RTN4RL1: variants seen among roughly 807,000 people sequenced by gnomAD.
RTN4RL1 encodes reticulon-4 receptor-like 1.
RTN4RL1 carries 7 observed loss-of-function variants against 25.6 expected under a neutral mutation model. The ratio of observed to expected loss-of-function variants is 0.27; its 90% confidence interval spans 0.16 to 0.51. The LOEUF (loss-of-function observed/expected upper bound fraction) is 0.51, where lower values mean the gene tolerates loss of function less well. RTN4RL1 is among the 20% of genes least tolerant of loss of function. The pLI is 0.97. For missense variants in RTN4RL1, 500 were observed against 615.6 expected, an observed-to-expected ratio of 0.81 and a Z score of 1.99; for synonymous variants, 297 against 288.2, an observed-to-expected ratio of 1.03 and a Z score of -0.31.
chr17:1,945,089 G>T (rs116362460), intron 1 of RTN4RL1, among the ~76,000 whole-genome samples: 1 of 152,086 alleles, frequency 6.6e-6, no homozygotes, highest in Non-Finnish European at 1.5e-5. Context: ...CCTTTTGCAC[G>T]TGCTGTTCCC....
intron 1 of RTN4RL1, among the ~76,000 whole-genome samples, chr17:1,991,446 T>TAAAAAAAAAA (rs764604442): frequency 1.3e-4 from 4 of 31,154 alleles, no homozygotes; most frequent in African/African-American, 2.4e-4. Flanking sequence ...ATGCACATAG[T>TAAAAAAAAAA]AAAAAAAAAA....
intron 1 of RTN4RL1, among the ~76,000 whole-genome samples, chr17:2,021,767 C>A (rs1371515597): frequency 1.7e-4 from 25 of 150,230 alleles, no homozygotes; most frequent in Non-Finnish European, 3.4e-4. Flanking sequence ...GTTGGCCAGG[C>A]TGGTCTCGAA....
intron 1 of RTN4RL1, among the ~76,000 whole-genome samples, chr17:1,964,933 C>T (rs1260519568): frequency 4.0e-5 from 6 of 149,508 alleles, no homozygotes; most frequent in Non-Finnish European, 7.4e-5. Context: ...GGACTACAGG[C>T]GTGCGCCACC....
intron 1 of RTN4RL1, among the ~76,000 whole-genome samples, chr17:1,939,293 C>A (rs541961114): frequency 6.6e-6 from 1 of 152,008 alleles, no homozygotes; most frequent in Non-Finnish European, 1.5e-5. Flanking sequence ...GTGGAGCTTG[C>A]AGTGAGCTGA....
chr17:1,967,777 G>C (rs1188792438), intron 1 of RTN4RL1, among the ~76,000 whole-genome samples: 1 of 152,048 alleles, frequency 6.6e-6, no homozygotes, highest in Non-Finnish European at 1.5e-5. Flanking sequence ...GTAGCCGGGA[G>C]TACAGGCACC....
intron 1 of RTN4RL1, among the ~76,000 whole-genome samples, chr17:1,988,589 T>C (rs2066897225): frequency 6.6e-6 from 1 of 151,646 alleles, no homozygotes; most frequent in South Asian, 2.1e-4. Flanking sequence ...TCCAGAGGTG[T>C]CTCTCTCCAC....
chr17:1,969,048 A>G (rs2066805925), intron 1 of RTN4RL1, among the ~76,000 whole-genome samples: 1 of 131,202 alleles, frequency 7.6e-6, no homozygotes, highest in Non-Finnish European at 1.6e-5. Context: ...GGGGAGCTGG[A>G]CCACTGTCCC....
chr17:2,006,302 C>G (rs777313243), intron 1 of RTN4RL1, among the ~76,000 whole-genome samples: 1 of 152,026 alleles, frequency 6.6e-6, no homozygotes, highest in East Asian at 1.9e-4. Flanking sequence ...GGATTACAGG[C>G]GCGCGCCACC....
intron 1 of RTN4RL1, chr17:2,019,877 C>T (rs1157723464): frequency 6.6e-6 from 1 of 152,254 alleles, no homozygotes; most frequent in Non-Finnish European, 1.5e-5. Flanking sequence ...CGAACCAAAA[C>T]ACATTTTCTA....
At position 1,936,537 on chromosome 17, in the gene RTN4RL1, G is replaced by T. The variant is rs1391772649; in HGVS notation, c.1285C>A (p.Leu429Ile). ...ASSASSLGASLLAWTLGLAVT... is the reference protein window; with the variant it reads ...ASSASSLGASILAWTLGLAVT... ...GCCAGCCCCAGTGTCCAGGCCAGGA[G>T]GGAGGCCCCCAGGGAACTGGCCGAG... is the stretch of plus-strand genomic sequence containing the variant. The change falls in exon 2 of 2, where the codon CTC becomes ATC. Residue 429 changes from leucine (L) to isoleucine (I), a missense_variant. This residue lies in a region of RTN4RL1 where 268 missense variants were observed against 274.5 expected (regional missense o/e 0.98). Transcript: ENST00000331238. The T allele has an allele frequency of 6.4e-7, 1 of 1,553,102 alleles. No homozygotes were observed. The highest frequency in any genetic ancestry group is 1.2e-5 in the South Asian group (1 of 84,548).
intron 1 of RTN4RL1, among the ~76,000 whole-genome samples, chr17:1,942,254 G>C (rs979311726): frequency 3.9e-5 from 6 of 152,174 alleles, no homozygotes; most frequent in African/African-American, 1.4e-4. Flanking sequence ...CCACATGCCT[G>C]AGCTCACCCG....
At chr17:1,979,741 C>A (rs561476407) in intron 1 of RTN4RL1, among the ~76,000 whole-genome samples, 10 of 152,356 alleles carry the variant, frequency 6.6e-5, no homozygotes, top group African/African-American at 2.2e-4. Context: ...GGGGAAAAAA[C>A]AGGCCAGCCA....
intron 1 of RTN4RL1, among the ~76,000 whole-genome samples, chr17:1,982,208 G>A (rs1235083457): frequency 2.0e-5 from 3 of 152,346 alleles, no homozygotes; most frequent in South Asian, 2.1e-4. Context: ...GGATGAGGCA[G>A]GAGAATCGCT....
rs71723916 is a variant in RTN4RL1 at position 1,980,926 on chromosome 17, C to CAAAAAAAAAAA, written c.14-43129_14-43119dup. 6.3e-3 allele frequency among the ~76,000 whole-genome samples: 545 copies of CAAAAAAAAAAA among 87,012 alleles called. 18 individuals carry two copies. Among genetic ancestry groups the CAAAAAAAAAAA allele is most frequent in the African/African-American group, 0.017 (372 of 21,380 alleles). The allele number at this position is 87,012 out of a possible 152,430, so 57.1% of individuals were successfully genotyped here. On this transcript the variant is annotated intron_variant, in intron 1 of 1. Transcript: ENST00000331238. ...TGGGCCACAGAGTGAGATTCTATCTCAAAAAAAAAAAAAAAAAAAAGAAGT... is the reference window on the plus strand; with the variant it reads ...TGGGCCACAGAGTGAGATTCTATCTCAAAAAAAAAAAAAAAAAAAAAAAAAAAAAAAGAAGT...
intron 1 of RTN4RL1, among the ~76,000 whole-genome samples, chr17:1,970,043 A>C (rs1277569345): frequency 7.5e-6 from 1 of 134,114 alleles, no homozygotes; most frequent in Non-Finnish European, 1.6e-5. Flanking sequence ...TTTTTTTGAG[A>C]TAGAGTTTCA....
chr17:1,970,011 CTCTCTCTCT>C (rs143493167), intron 1 of RTN4RL1, among the ~76,000 whole-genome samples: 41,763 of 126,978 alleles, frequency 0.33, 6,157 homozygotes, highest in Admixed American at 0.47. Flanking sequence ...GATTTCTGCT[CTCTCTCTCT>C]TTTTTTTTTT....
intron 1 of RTN4RL1, among the ~76,000 whole-genome samples, chr17:1,988,093 C>T (rs564177516): frequency 1.8e-4 from 27 of 149,088 alleles, no homozygotes; most frequent in South Asian, 8.5e-4. Flanking sequence ...GAAACAAGAG[C>T]GAAACTCCAT....
In RTN4RL1 at chr17:1,973,867, C is replaced by T. The variant is rs1023394644; in HGVS notation, c.14-36059G>A. Among the ~76,000 whole-genome samples, 6 of 151,782 alleles carry T rather than the reference C, an allele frequency of 4.0e-5. 1 individual carries two copies. The highest frequency in any genetic ancestry group is 1.3e-4 in the Admixed American group (2 of 15,222). On this transcript the variant is annotated intron_variant, in intron 1 of 1. Coordinates refer to ENST00000331238, the MANE Select transcript of RTN4RL1 (RefSeq NM_178568.4). The stretch of plus-strand genomic sequence containing the variant: ...CAGCCTGGCCAACATAGTGAAACCC[C>T]GTCTCTACTAAAAGTACAAAAATTA...
At chr17:1,943,750 C>T (rs867120753) in intron 1 of RTN4RL1, among the ~76,000 whole-genome samples, 1 of 152,180 alleles carries the variant, frequency 6.6e-6, no homozygotes, top group Admixed American at 6.5e-5. Flanking sequence ...TCTGCAGCCC[C>T]GCCTGGAGCC....
Sources: allele counts gnomAD v4.1 joint callset (sites outside exome capture counted in the v4.1 genomes callset), GRCh38; gene constraint gnomAD v4.1.1; regional missense constraint gnomAD v4.1.1; transcripts MANE v1.5; gene names NCBI Gene and HGNC (gene_info 2026-07-23, HGNC 2026-07-21).